Variants in SUMF1 observed in about 807,000 individuals in gnomAD.
SUMF1 encodes the protein formylglycine-generating enzyme.
SUMF1 carries 48 observed loss-of-function variants against 47.6 expected under a neutral mutation model. That is an observed-to-expected ratio of 1.01 (90% CI 0.80 to 1.28). The LOEUF (loss-of-function observed/expected upper bound fraction) is 1.28, where lower values mean the gene tolerates loss of function less well. Ranked by LOEUF, SUMF1 falls within the 50% of genes most tolerant of loss-of-function variation. The pLI, the probability that SUMF1 is intolerant of heterozygous loss-of-function variation, is 0.00. For synonymous variants in SUMF1, 230 were observed against 192.1 expected (o/e 1.20, Z -1.63); for missense variants, 571 against 485.4 (o/e 1.18, Z -1.66).
At chr3:4,151,407 A>G (rs11928880) in intron 8 of SUMF1, among the ~76,000 whole-genome samples, 95,924 of 144,498 alleles carry the variant, frequency 0.66, 32,396 homozygotes, top group African/African-American at 0.73. Context: ...ATGTATATGT[A>G]TATATGTATA....
chr3:4,205,213 T>A (rs949377114), intron 8 of SUMF1, among the ~76,000 whole-genome samples: 1 of 152,198 alleles, frequency 6.6e-6, no homozygotes, highest in African/African-American at 2.4e-5. Flanking sequence ...AGAAGGTTCT[T>A]TGTAATTCTC....
At chr3:4,137,797 G>C (rs576498811) in intron 8 of SUMF1, among the ~76,000 whole-genome samples, 4 of 152,142 alleles carry the variant, frequency 2.6e-5, no homozygotes, top group African/African-American at 9.6e-5. Context: ...CTGTACTGGA[G>C]GTTCTAGCCA....
intron 8 of SUMF1, among the ~76,000 whole-genome samples, chr3:4,319,442 G>T (rs1054887353): frequency 6.6e-6 from 1 of 152,092 alleles, no homozygotes; most frequent in Non-Finnish European, 1.5e-5. Flanking sequence ...GAATTAAGGG[G>T]GGTAAAGAAG....
intron 8 of SUMF1, among the ~76,000 whole-genome samples, chr3:4,141,152 T>C (rs1167033148): frequency 6.6e-6 from 1 of 152,154 alleles, no homozygotes; most frequent in Non-Finnish European, 1.5e-5. Flanking sequence ...GTTCACTGTA[T>C]TTTCTGCCAC....
At position 4,104,011 on chromosome 3, in the gene SUMF1, G is replaced by A. The variant is rs112680661; in HGVS notation, c.1015-35266C>T. 1.3e-3 allele frequency among the ~76,000 whole-genome samples: 198 copies of A among 152,226 alleles called. 1 individual carries two copies. Among genetic ancestry groups the A allele is most frequent in the African/African-American group, 4.4e-3 (181 of 41,516 alleles). ...CTATATCTAAGTTTTCAGAAGTCTGGATATGAGAAGATGAGAGACCATGCT... is the reference window on the plus strand; with the variant it reads ...CTATATCTAAGTTTTCAGAAGTCTGAATATGAGAAGATGAGAGACCATGCT... On this transcript the variant is annotated intron_variant and NMD_transcript_variant, in intron 8 of 12. Transcript: ENST00000448413.
intron 9 of SUMF1, among the ~76,000 whole-genome samples, chr3:4,050,539 C>G (rs1361914627): frequency 1.3e-5 from 2 of 151,360 alleles, no homozygotes; most frequent in African/African-American, 2.4e-5. Flanking sequence ...TCCAGGAGTT[C>G]AAGACCAGCC....
intron 8 of SUMF1, chr3:4,313,521 T>G: frequency 6.2e-7 from 1 of 1,614,048 alleles, no homozygotes; most frequent in Non-Finnish European, 8.5e-7. Flanking sequence ...AACTCTCTTA[T>G]GATTATTCAG....
Position 4,312,881 on chromosome 3 carries a change from G to T in SUMF1, c.1014+63449C>A, listed in dbSNP as rs951937195. On this transcript the variant is annotated intron_variant and NMD_transcript_variant, in intron 8 of 12. Coordinates refer to the SUMF1 transcript ENST00000448413. Reference sequence around the variant, plus strand: ...ATGACATGCCGTGCTGACTTACAGTGTGTATATTTTTTACAGTACACTCCT... The same window carrying T: ...ATGACATGCCGTGCTGACTTACAGTTTGTATATTTTTTACAGTACACTCCT... 3.8e-6 allele frequency: 6 copies of T among 1,595,032 alleles called. No individual in the cohort carries two copies. The African/African-American group carries it at 8.1e-5, about 21-fold the overall frequency.
At chr3:4,368,203 A>G (rs1434475678) in intron 8 of SUMF1, among the ~76,000 whole-genome samples, 3 of 152,270 alleles carry the variant, frequency 2.0e-5, no homozygotes, top group Non-Finnish European at 1.5e-5. Flanking sequence ...TCTCAGAAGA[A>G]GACATTTGTG....
Position 4,084,992 on chromosome 3 carries a change from G to C in SUMF1, c.1015-16247C>G, listed in dbSNP as rs1161105734. ...ATATCAGCTTTACAGTATGTGTCTT[G>C]ATTCATTTATTCAGGAAATAGATGA... On this transcript the variant is annotated intron_variant and NMD_transcript_variant, in intron 8 of 12. Coordinates refer to the SUMF1 transcript ENST00000448413. Among the ~76,000 whole-genome samples the C allele has an allele frequency of 2.0e-5, 3 of 151,906 alleles. No homozygotes were observed. In the East Asian group the frequency reaches 5.8e-4, roughly 29 times the overall value.
chr3:4,106,049 C>G (rs1419091974), intron 8 of SUMF1, among the ~76,000 whole-genome samples: 3 of 151,672 alleles, frequency 2.0e-5, no homozygotes, highest in Non-Finnish European at 4.4e-5. Flanking sequence ...ATTGCTTTAT[C>G]TGTTTGCTTT....
intron 8 of SUMF1, among the ~76,000 whole-genome samples, chr3:4,074,427 G>C (rs1692369302): frequency 6.6e-6 from 1 of 151,984 alleles, no homozygotes; most frequent in African/African-American, 2.4e-5. Flanking sequence ...ACAATTAGAA[G>C]AACTAGAGAA....
At chr3:4,459,437 A>C (rs946486725) in intron 1 of SUMF1, among the ~76,000 whole-genome samples, 1 of 152,232 alleles carries the variant, frequency 6.6e-6, no homozygotes, top group African/African-American at 2.4e-5. Context: ...CAATACGGGC[A>C]GAAGCATTAG....
intron 8 of SUMF1, among the ~76,000 whole-genome samples, chr3:4,204,763 T>C (rs1559562995): frequency 6.6e-6 from 1 of 152,130 alleles, no homozygotes; most frequent in African/African-American, 2.4e-5. Context: ...ATTCAGCTGT[T>C]AAGACACACT....
chr3:4,342,314 C>G (rs1265486209), intron 8 of SUMF1, among the ~76,000 whole-genome samples: 1 of 152,174 alleles, frequency 6.6e-6, no homozygotes, highest in East Asian at 1.9e-4. Flanking sequence ...AGGTGGATCA[C>G]TTGAGGTCAG....
chr3:4,036,615 A>AT (rs1553587958), intron 9 of SUMF1, among the ~76,000 whole-genome samples: 3 of 15,294 alleles, frequency 2.0e-4, no homozygotes, highest in Non-Finnish European at 5.5e-4. Context: ...AAATGAATCC[A>AT]TTAAAAAAAA....
chr3:4,464,206 T>TA (rs1553592479), intron 1 of SUMF1, among the ~76,000 whole-genome samples: 2 of 152,204 alleles, frequency 1.3e-5, no homozygotes, highest in Non-Finnish European at 2.9e-5. Flanking sequence ...CTTCTTGGAA[T>TA]GTCCTTGAAT....
At chr3:4,072,752 GATGAA>G (rs1045391561) in intron 8 of SUMF1, among the ~76,000 whole-genome samples, 1 of 152,080 alleles carries the variant, frequency 6.6e-6, no homozygotes, top group African/African-American at 2.4e-5. Flanking sequence ...AGGTCAAATT[GATGAA>G]ATGAAGTGAG....
chr3:4,358,424 C>A (rs148222263), downstream of SUMF1, among the ~76,000 whole-genome samples: 99 of 152,308 alleles, frequency 6.5e-4, no homozygotes, highest in African/African-American at 2.2e-3. Context: ...ACCAAACGGT[C>A]TGCTCGGCTC....
Sources: allele counts gnomAD v4.1 joint callset (sites outside exome capture counted in the v4.1 genomes callset), GRCh38; gene constraint gnomAD v4.1.1; transcripts MANE v1.5; gene names NCBI Gene and HGNC (gene_info 2026-07-23, HGNC 2026-07-21).